Variants in KIRREL3 observed in about 807,000 individuals in gnomAD.
KIRREL3 encodes the protein kin of IRRE-like protein 3.
KIRREL3 carries 36 observed loss-of-function variants against 89.7 expected under a neutral mutation model. The ratio of observed to expected loss-of-function variants is 0.40; its 90% CI spans 0.31 to 0.53. The LOEUF is 0.53. Among genes scored for constraint, KIRREL3 ranks in the 20% least tolerant of loss-of-function variants. KIRREL3 has a pLI of 0.49. For missense variants in KIRREL3, 864 were observed against 1,056.6 expected (o/e 0.82, Z 2.53); for synonymous variants, 445 against 441.4 (o/e 1.01, Z -0.10).
chr11:126,869,468 G>A (rs1945034681), intron 1 of KIRREL3, among the ~76,000 whole-genome samples: 1 of 152,064 alleles, frequency 6.6e-6, no homozygotes, highest in Non-Finnish European at 1.5e-5. Flanking sequence ...TCTATTTCTG[G>A]GCGACTGAAA....
intron 1 of KIRREL3, among the ~76,000 whole-genome samples, chr11:126,836,253 G>C (rs1413799035): frequency 6.6e-6 from 1 of 152,186 alleles, no homozygotes; most frequent in Non-Finnish European, 1.5e-5. Context: ...CAGAAGTAAT[G>C]TGGTCTCTTG....
At chr11:126,911,640 G>A (rs1946819439) in intron 1 of KIRREL3, among the ~76,000 whole-genome samples, 1 of 152,164 alleles carries the variant, frequency 6.6e-6, no homozygotes, top group Non-Finnish European at 1.5e-5. Flanking sequence ...GAGAAGGACA[G>A]TCAGGAAGGA....
Position 126,708,796 on chromosome 11 carries a change from T to C in KIRREL3, c.56-145884A>G, listed in dbSNP as rs1013664447. On this transcript the variant is annotated intron_variant, in intron 1 of 16. Coordinates refer to ENST00000525144, the MANE Select transcript of KIRREL3 (RefSeq NM_032531.4). This position sits in a 1 kb window ranked among gnomAD's most constrained non-coding sequence, Gnocchi z 5.7. ...CCCTCCGCTCTCCAGCTCCCGTTCC[T>C]ACCAAATGCACCAATCATCACTAAG... 5.3e-5 allele frequency among the ~76,000 whole-genome samples: 8 copies of C among 152,198 alleles called. No homozygotes were observed. The highest frequency in any genetic ancestry group is 7.3e-5 in the Non-Finnish European group (5 of 68,038).
Position 126,841,517 on chromosome 11 carries a change from A to G in KIRREL3, c.55+158938T>C, listed in dbSNP as rs1465999053. Among the ~76,000 whole-genome samples, 3 of 152,346 alleles carry G rather than the reference A, an allele frequency of 2.0e-5. No individual in the cohort carries two copies. In the East Asian group the frequency reaches 5.8e-4, roughly 29 times the overall value. On this transcript the variant is annotated intron_variant, in intron 1 of 16. Transcript: ENST00000525144. Reference sequence around the variant, plus strand: ...GAATAAATCCCTCTATGGCACCATAAGATTGCTGTAATTCATTATTCGTTT... The same window carrying G: ...GAATAAATCCCTCTATGGCACCATAGGATTGCTGTAATTCATTATTCGTTT...
At chr11:126,603,839 G>A (rs1212854063) in intron 1 of KIRREL3, among the ~76,000 whole-genome samples, 1 of 152,200 alleles carries the variant, frequency 6.6e-6, no homozygotes, top group Non-Finnish European at 1.5e-5. Context: ...GGAGTGGAGA[G>A]AGAACTCGTG....
Position 126,843,359 on chromosome 11 carries a change from C to T in KIRREL3, c.55+157096G>A, listed in dbSNP as rs1171629057. On this transcript the variant is annotated intron_variant, in intron 1 of 16. Transcript: ENST00000525144. This position sits in a 1 kb window ranked among gnomAD's most constrained non-coding sequence, Gnocchi z 4.6. ...TGGAAGATCTCCAAGTGTAAAGGTGCATGAGAAATGCTTCCAGTGAGTGAG... is the reference window on the plus strand; with the variant it reads ...TGGAAGATCTCCAAGTGTAAAGGTGTATGAGAAATGCTTCCAGTGAGTGAG... Among the ~76,000 whole-genome samples, 1 of 152,142 alleles carries T rather than the reference C, an allele frequency of 6.6e-6. No homozygotes were observed. Among genetic ancestry groups the T allele is most frequent in the Non-Finnish European group, 1.5e-5 (1 of 68,036 alleles).
rs970387959 is a variant in KIRREL3, at chr11:126,686,824, C to T, written c.56-123912G>A. ...GAACTCCTGACCTCAAGTGATTCACCCACCTTGGCCTCCCAAAGTGCCAGG... is the reference window on the plus strand; with the variant it reads ...GAACTCCTGACCTCAAGTGATTCACTCACCTTGGCCTCCCAAAGTGCCAGG... On this transcript the variant is annotated intron_variant, in intron 1 of 16. Transcript: ENST00000525144. This position sits in a 1 kb window ranked among gnomAD's most constrained non-coding sequence, Gnocchi z 4.7. 6.6e-6 allele frequency among the ~76,000 whole-genome samples: 1 copy of T among 152,158 alleles called. No homozygotes were observed. The highest frequency in any genetic ancestry group is 1.5e-5 in the Non-Finnish European group (1 of 68,034).
At position 126,764,776 on chromosome 11, in the gene KIRREL3, G is replaced by T. The variant is rs1266566488; in HGVS notation, c.56-201864C>A. Among the ~76,000 whole-genome samples, 2 of 152,092 alleles carry T rather than the reference G, an allele frequency of 1.3e-5. No homozygotes were observed. Among genetic ancestry groups the T allele is most frequent in the African/African-American group, 4.8e-5 (2 of 41,406 alleles). ...TAGGGCCTGTGCTGTAAGCCTCCGG[G>T]GCCATATAAACGCGGCTATTTTCAC... On this transcript the variant is annotated intron_variant, in intron 1 of 16. Transcript: ENST00000525144. This position sits in a 1 kb window ranked among gnomAD's most constrained non-coding sequence, Gnocchi z 4.2.
chr11:126,596,033 C>T (rs945394377), intron 1 of KIRREL3, among the ~76,000 whole-genome samples: 1 of 152,112 alleles, frequency 6.6e-6, no homozygotes, highest in East Asian at 1.9e-4. Flanking sequence ...AGCCCTTGGC[C>T]CCTAGGAAGG....
chr11:126,959,053 T>C (rs918041534), intron 1 of KIRREL3, among the ~76,000 whole-genome samples: 10 of 152,168 alleles, frequency 6.6e-5, no homozygotes, highest in Admixed American at 1.3e-4. Context: ...TCTCTCTCTC[T>C]CTCCCCTGAA....
chr11:126,690,452 T>A (rs900749839), intron 1 of KIRREL3, among the ~76,000 whole-genome samples: 2 of 151,580 alleles, frequency 1.3e-5, no homozygotes, highest in Non-Finnish European at 2.9e-5. Flanking sequence ...TGATGGGAAG[T>A]CACCTCCCTT....
chr11:126,754,976 C>T lies in KIRREL3; in HGVS notation c.56-192064G>A, dbSNP rs926738149. ...GGCGGATGTGAAGAAAAGCTGTTTGCTTGACACAAACAGGGCTGGCCCTTT... is the reference window on the plus strand; with the variant it reads ...GGCGGATGTGAAGAAAAGCTGTTTGTTTGACACAAACAGGGCTGGCCCTTT... On this transcript the variant is annotated intron_variant, in intron 1 of 16. Coordinates refer to ENST00000525144, the MANE Select transcript of KIRREL3 (RefSeq NM_032531.4). The surrounding 1 kb of genome is among the most constrained non-coding windows in gnomAD (Gnocchi z 5.1). Among the ~76,000 whole-genome samples the T allele has an allele frequency of 2.6e-5, 4 of 152,180 alleles. No homozygotes were observed. The highest frequency in any genetic ancestry group is 4.4e-5 in the Non-Finnish European group (3 of 68,030).
intron 5 of KIRREL3, among the ~76,000 whole-genome samples, chr11:126,466,984 C>A (rs989271349): frequency 6.6e-6 from 1 of 152,260 alleles, no homozygotes; most frequent in African/African-American, 2.4e-5. Flanking sequence ...CATGTGACTG[C>A]CATGGTGGCT....
At chr11:126,433,090 G>T (rs1379754914) in intron 13 of KIRREL3, among the ~76,000 whole-genome samples, 1 of 152,150 alleles carries the variant, frequency 6.6e-6, no homozygotes, top group Non-Finnish European at 1.5e-5. Flanking sequence ...TGTTGGCCAG[G>T]CTGGTCTCAA....
intron 7 of KIRREL3, among the ~76,000 whole-genome samples, chr11:126,451,937 G>A (rs1466475861): frequency 6.6e-6 from 1 of 152,154 alleles, no homozygotes; most frequent in African/African-American, 2.4e-5. Flanking sequence ...CACAGCCACT[G>A]CTCCCTGGAA....
Position 126,924,872 on chromosome 11 carries a change from C to T in KIRREL3, c.55+75583G>A, listed in dbSNP as rs554795257. Among the ~76,000 whole-genome samples the T allele has an allele frequency of 1.6e-4, 24 of 151,630 alleles. No homozygotes were observed. The South Asian group carries it at 5.0e-3, about 32-fold the overall frequency. On this transcript the variant is annotated intron_variant, in intron 1 of 16. Transcript: ENST00000525144. This position sits in a 1 kb window ranked among gnomAD's most constrained non-coding sequence, Gnocchi z 4.7. ...GTTATTAGCATGATTCACTCTCCAA[C>T]AGCATGAATATTCGGTGTGACTGTG...
Position 126,495,243 on chromosome 11 carries a change from C to CA in KIRREL3, c.434-21778dup, listed in dbSNP as rs1203297993. 2.0e-5 allele frequency among the ~76,000 whole-genome samples: 3 copies of CA among 152,182 alleles called. No homozygotes were observed. The highest frequency in any genetic ancestry group is 6.5e-5 in the Admixed American group (1 of 15,286). On this transcript the variant is annotated intron_variant, in intron 4 of 16. Transcript: ENST00000525144. The surrounding 1 kb of genome is among the most constrained non-coding windows in gnomAD (Gnocchi z 6.5). ...CTCTTCCTTGCCTTTCAGGAACTCC[C>CA]AGTGGCTTTCCCTTGTTTGCAGAGT...
chr11:126,760,029 C>A (rs1949620349), intron 1 of KIRREL3, among the ~76,000 whole-genome samples: 2 of 152,228 alleles, frequency 1.3e-5, no homozygotes, highest in Admixed American at 6.5e-5. Context: ...ATTGCCCAGG[C>A]AACTGGTTTT....
rs1950206180 is a variant in KIRREL3, at chr11:126,997,369, A to T, written c.55+3086T>A. 6.6e-6 allele frequency among the ~76,000 whole-genome samples: 1 copy of T among 152,166 alleles called. No individual in the cohort carries two copies. The highest frequency in any genetic ancestry group is 6.5e-5 in the Admixed American group (1 of 15,282). On this transcript the variant is annotated intron_variant, in intron 1 of 16. Transcript: ENST00000525144. This position sits in a 1 kb window ranked among gnomAD's most constrained non-coding sequence, Gnocchi z 4.3. Reference sequence around the variant, plus strand: ...AGCTGAGGGAAGAGGCATCCACGGCAAGGGAGAAGCCCACAAGCAGTACAC... The same window carrying T: ...AGCTGAGGGAAGAGGCATCCACGGCTAGGGAGAAGCCCACAAGCAGTACAC...
Sources: gnomAD v4.1 joint callset for allele counts (sites outside exome capture counted in the v4.1 genomes callset) on GRCh38, gnomAD v4.1.1 for gene constraint, Gnocchi (gnomAD v3.1) non-coding constraint, MANE v1.5 for transcripts, NCBI Gene and HGNC (gene_info 2026-07-23, HGNC 2026-07-21) for gene names.